LUC7L2: variants seen among roughly 807,000 people sequenced by gnomAD.
LUC7L2 encodes LUC7 like 2, pre-mRNA splicing factor, also known as putative RNA-binding protein Luc7-like 2.
Under a neutral mutation model 52.8 loss-of-function variants are expected in LUC7L2, and 25 were observed. The ratio of observed to expected loss-of-function variants is 0.47; its 90% CI spans 0.34 to 0.66. The LOEUF is 0.66. Ranked by LOEUF, LUC7L2 falls within the 30% of genes least tolerant of loss-of-function variation. The probability of loss-of-function intolerance (pLI) is 0.01; values close to 1 mark genes in which losing one functional copy is unlikely to be tolerated. For synonymous variants in LUC7L2, 144 were observed against 160.9 expected (o/e 0.89, Z 0.80); for missense variants, 328 against 497.8 (o/e 0.66, Z 3.25).
upstream of LUC7L2, among the ~76,000 whole-genome samples, chr7:139,358,242 A>G (rs1051126124): frequency 2.0e-5 from 3 of 146,464 alleles, no homozygotes; most frequent in African/African-American, 5.1e-5. Flanking sequence ...CCTGACCTCA[A>G]GGTGATCCGC....
intron 8 of LUC7L2, among the ~76,000 whole-genome samples, chr7:139,414,755 T>TGAGATGACTGA (rs1330173379): frequency 6.6e-6 from 1 of 152,242 alleles, no homozygotes; most frequent in Non-Finnish European, 1.5e-5. Flanking sequence ...CACTCCTCTC[T>TGAGATGACTGA]GAGATGACTG....
At chr7:139,417,836 T>A in intron 9 of LUC7L2, 107 bp downstream of exon 9, 3 of 1,415,154 alleles carry the variant, frequency 2.1e-6, no homozygotes, top group Non-Finnish European at 2.8e-6. Context: ...GTTTGAAACT[T>A]TTGCATCTGG....
At chr7:139,369,241 C>A (rs928027963) in intron 1 of LUC7L2, among the ~76,000 whole-genome samples, 2 of 152,192 alleles carry the variant, frequency 1.3e-5, no homozygotes, top group African/African-American at 4.8e-5. Context: ...GTCAGAATTA[C>A]AGCTCTGCAA....
chr7:139,420,234 C>T (rs1315307232), intron 9 of LUC7L2, among the ~76,000 whole-genome samples: 2 of 152,060 alleles, frequency 1.3e-5, no homozygotes, highest in Admixed American at 6.5e-5. Flanking sequence ...ACGAGAGTCT[C>T]GTTCTGTCAC....
At chr7:139,410,296 T>C (rs547715135) in intron 7 of LUC7L2, among the ~76,000 whole-genome samples, 4 of 119,234 alleles carry the variant, frequency 3.4e-5, no homozygotes, top group Admixed American at 1.5e-4. Flanking sequence ...CATAGAATTA[T>C]TATTTTTTTT....
chr7:139,414,069 A>G (rs1324613611), intron 8 of LUC7L2, among the ~76,000 whole-genome samples: 1 of 152,184 alleles, frequency 6.6e-6, no homozygotes, highest in East Asian at 1.9e-4. Flanking sequence ...CTATTCCTCT[A>G]GTCCTGTTAC....
intron 2 of LUC7L2, among the ~76,000 whole-genome samples, chr7:139,385,716 T>C (rs1794166676): frequency 6.6e-6 from 1 of 152,242 alleles, no homozygotes; most frequent in East Asian, 1.9e-4. Flanking sequence ...TTGTTTTTCA[T>C]AGTCTAGTAC....
intron 2 of LUC7L2, among the ~76,000 whole-genome samples, chr7:139,385,650 A>G (rs534130626): frequency 6.6e-6 from 1 of 152,312 alleles, no homozygotes; most frequent in Non-Finnish European, 1.5e-5. Flanking sequence ...TAAAGAAAGT[A>G]GTAAAAACCA....
intron 6 of LUC7L2, among the ~76,000 whole-genome samples, chr7:139,409,116 AAC>A (rs2131298363): frequency 6.6e-6 from 1 of 152,134 alleles, no homozygotes; most frequent in Non-Finnish European, 1.5e-5. Context: ...CAGTCTGGGC[AAC>A]AGAGTAAGAC....
chr7:139,405,539 A>T (rs1172927399), intron 4 of LUC7L2, 105 bp from the exon 5 acceptor site: 53 of 1,363,932 alleles, frequency 3.9e-5, no homozygotes, highest in Non-Finnish European at 5.2e-5. Context: ...CTTTAACCAC[A>T]TACTGCCTTA....
In LUC7L2 at chr7:139,409,547, T is replaced by C; in HGVS notation, c.688-16T>C. ...GGACTCAGTAAATATTCTCCTCATT[T>C]ATTACTGTTTTTAAGAGAGTCGTAG... On this transcript the variant is annotated splice_polypyrimidine_tract_variant and intron_variant, in intron 6 of 9. Coordinates refer to ENST00000354926, the MANE Select transcript of LUC7L2 (RefSeq NM_016019.5). 6.3e-7 allele frequency: 1 copy of C among 1,596,802 alleles called. No homozygotes were observed. The highest frequency in any genetic ancestry group is 8.5e-7 in the Non-Finnish European group (1 of 1,171,582).
intron 1 of LUC7L2, among the ~76,000 whole-genome samples, chr7:139,370,928 G>A (rs977267787): frequency 1.3e-5 from 2 of 152,136 alleles, no homozygotes; most frequent in African/African-American, 4.8e-5. Context: ...AGGGATTCAA[G>A]GGGTCAGGAA....
upstream of LUC7L2, chr7:139,359,776 G>A: frequency 2.5e-6 from 1 of 400,834 alleles, no homozygotes; most frequent in Non-Finnish European, 4.4e-6. Flanking sequence ...GAGCGCGCGT[G>A]CACGCGCCCA....
At chr7:139,346,526 A>AT (rs1360438959) in intron 1 of LUC7L2, among the ~76,000 whole-genome samples, 1 of 152,242 alleles carries the variant, frequency 6.6e-6, no homozygotes. Flanking sequence ...AAAGGGATAC[A>AT]TAAAGATGTG....
chr7:139,350,879 T>C (rs1390337363), intron 1 of LUC7L2, among the ~76,000 whole-genome samples: 1 of 152,082 alleles, frequency 6.6e-6, no homozygotes, highest in Non-Finnish European at 1.5e-5. Flanking sequence ...TTTCACCATG[T>C]TGGCCAGGCT....
intron 2 of LUC7L2, among the ~76,000 whole-genome samples, chr7:139,392,162 AAAC>A (rs757112619): frequency 6.6e-6 from 1 of 152,208 alleles, no homozygotes; most frequent in South Asian, 2.1e-4. Context: ...CTTGTATAAA[AAAC>A]AACATTGTTA....
chr7:139,383,130 T>C (rs1489750031), intron 2 of LUC7L2, among the ~76,000 whole-genome samples: 1 of 152,118 alleles, frequency 6.6e-6, no homozygotes, highest in Non-Finnish European at 1.5e-5. Context: ...TATTTATTTT[T>C]TTGAGACGGA....
At chr7:139,378,427 T>C (rs1800828047) in intron 2 of LUC7L2, among the ~76,000 whole-genome samples, 1 of 151,696 alleles carries the variant, frequency 6.6e-6, no homozygotes, top group Admixed American at 6.6e-5. Context: ...AAAAAAAAAT[T>C]AGCCTGGCAT....
intron 9 of LUC7L2, 83 bp from the exon 10 acceptor site, chr7:139,422,080 A>T: frequency 6.7e-7 from 1 of 1,493,548 alleles, no homozygotes; most frequent in Non-Finnish European, 8.9e-7. Flanking sequence ...TTCAGCTATC[A>T]AGAGCTTAAT....
Sources: allele counts gnomAD v4.1 joint callset (sites outside exome capture counted in the v4.1 genomes callset), GRCh38; gene constraint gnomAD v4.1.1; transcripts MANE v1.5; gene names NCBI Gene and HGNC (gene_info 2026-07-23, HGNC 2026-07-21).